Variants in ARHGAP19 observed in about 807,000 individuals in gnomAD.
ARHGAP19 encodes the protein rho GTPase-activating protein 19.
ARHGAP19 carries 48 observed loss-of-function variants against 60.9 expected under a neutral mutation model. That is an observed-to-expected ratio of 0.79 (90% CI 0.62 to 1.00). The LOEUF (loss-of-function observed/expected upper bound fraction) is 1.00, where lower values mean the gene tolerates loss of function less well. Ranked by LOEUF, ARHGAP19 falls within the 50% of genes least tolerant of loss-of-function variation. The pLI, the probability that ARHGAP19 is intolerant of heterozygous loss-of-function variation, is 0.00. For synonymous variants in ARHGAP19, 209 were observed against 215.5 expected (o/e 0.97, Z 0.27); for missense variants, 562 against 597.2 (o/e 0.94, Z 0.61).
rs370956518 is a variant in ARHGAP19 at position 97,239,662 on chromosome 10, A to G, written c.1185+4306T>C. On this transcript the variant is annotated intron_variant, in intron 8 of 11. Coordinates refer to ENST00000358531, the MANE Select transcript of ARHGAP19 (RefSeq NM_032900.6). Reference sequence around the variant, plus strand: ...GGAGCAAAAAAAAAGATATTAGGGGAAAAAAAAGTAAAATCTGTAATGTTA... The same window carrying G: ...GGAGCAAAAAAAAAGATATTAGGGGGAAAAAAAGTAAAATCTGTAATGTTA... Among the ~76,000 whole-genome samples the G allele has an allele frequency of 2.8e-3, 428 of 150,550 alleles. 3 individuals are homozygous for G. Among genetic ancestry groups the G allele is most frequent in the African/African-American group, 8.6e-3 (352 of 40,938 alleles).
intron 1 of ARHGAP19, among the ~76,000 whole-genome samples, chr10:97,274,356 G>A (rs1005472908): frequency 2.0e-5 from 3 of 151,926 alleles, no homozygotes; most frequent in African/African-American, 2.4e-5. Context: ...TCCCAGCTAC[G>A]TGGGAGGCTG....
intron 1 of ARHGAP19, among the ~76,000 whole-genome samples, chr10:97,272,842 GTTT>G (rs1273537428): frequency 8.0e-6 from 1 of 125,598 alleles, no homozygotes; most frequent in Admixed American, 8.0e-5. Flanking sequence ...TATGTTTGTT[GTTT>G]TTTTTTTTTT....
rs148718759 is a variant in ARHGAP19, at chr10:97,223,905, C to T, written c.*2217G>A. 3 of 152,118 alleles carry T rather than the reference C, an allele frequency of 2.0e-5. No individual in the cohort carries two copies. The highest frequency in any genetic ancestry group is 2.1e-4 in the South Asian group (1 of 4,830). 9.4% of individuals were successfully genotyped at this position (152,118 alleles called of 1,614,324 possible). Reference sequence around the variant, plus strand: ...TTAAGAAAAATGACCTATAAAACCCCTAAAGCAAGGGAAAACATATTCAAT... The same window carrying T: ...TTAAGAAAAATGACCTATAAAACCCTTAAAGCAAGGGAAAACATATTCAAT... On this transcript the variant is annotated 3_prime_UTR_variant, in exon 12 of 12. Transcript: ENST00000358531.
intron 4 of ARHGAP19, among the ~76,000 whole-genome samples, chr10:97,262,245 G>A (rs1309441135): frequency 1.8e-4 from 28 of 151,636 alleles, no homozygotes. Context: ...ACTGGTGTTG[G>A]GGACTGGGTG....
At chr10:97,234,662 T>C (rs1397311561) in intron 9 of ARHGAP19, among the ~76,000 whole-genome samples, 5 of 151,588 alleles carry the variant, frequency 3.3e-5, no homozygotes, top group Admixed American at 3.3e-4. Context: ...TCTGCAAACA[T>C]GGTGATAGCA....
intron 8 of ARHGAP19, among the ~76,000 whole-genome samples, chr10:97,241,402 AAGAT>A (rs560793229): frequency 7.5e-3 from 1,125 of 150,604 alleles, no homozygotes; most frequent in Non-Finnish European, 8.5e-3. Flanking sequence ...AAAAAAAAGA[AAGAT>A]AGAGTATTTA....
chr10:97,290,618 T>C (rs1015122123), intron 1 of ARHGAP19, among the ~76,000 whole-genome samples: 14 of 152,004 alleles, frequency 9.2e-5, no homozygotes, highest in Non-Finnish European at 1.8e-4. Context: ...TCTTGGGAGC[T>C]CTGTGAGCAA....
At chr10:97,256,535 C>T in intron 5 of ARHGAP19, 131 bp from the exon 6 acceptor site, 1 of 641,394 alleles carries the variant, frequency 1.6e-6, no homozygotes, top group Non-Finnish European at 2.7e-6. Context: ...ATGTTTAATT[C>T]TGGGAAGACT....
chr10:97,257,445 G>T (rs927542024), intron 5 of ARHGAP19, among the ~76,000 whole-genome samples: 1 of 151,612 alleles, frequency 6.6e-6, no homozygotes, highest in South Asian at 2.1e-4. Context: ...GTGCCACCAC[G>T]TCCAGCTTAT....
At chr10:97,239,549 A>T (rs75710832) in intron 8 of ARHGAP19, among the ~76,000 whole-genome samples, 58 of 4,658 alleles carry the variant, frequency 0.012, 1 homozygote, top group African/African-American at 0.015. Context: ...AGAGAGAGAG[A>T]GGGTGTGTGT....
At chr10:97,269,641 C>G (rs925196120) in intron 1 of ARHGAP19, among the ~76,000 whole-genome samples, 2 of 152,148 alleles carry the variant, frequency 1.3e-5, no homozygotes, top group Non-Finnish European at 2.9e-5. Flanking sequence ...TGAGAAATTA[C>G]TACCCTATCA....
intron 1 of ARHGAP19, among the ~76,000 whole-genome samples, chr10:97,270,889 T>C (rs1041991592): frequency 3.9e-5 from 6 of 152,218 alleles, no homozygotes; most frequent in Admixed American, 2.6e-4. Flanking sequence ...CAGACTCCCA[T>C]CACCACTTAA....
At chr10:97,286,448 T>C (rs1843156353) in intron 1 of ARHGAP19, among the ~76,000 whole-genome samples, 1 of 152,178 alleles carries the variant, frequency 6.6e-6, no homozygotes, top group Admixed American at 6.6e-5. Flanking sequence ...AAAAATTAGC[T>C]GGACGTGGTG....
At chr10:97,287,230 C>T (rs946035362) in intron 1 of ARHGAP19, among the ~76,000 whole-genome samples, 19 of 152,276 alleles carry the variant, frequency 1.2e-4, no homozygotes, top group African/African-American at 4.3e-4. Context: ...GGATTACAGG[C>T]GTGAGCCACC....
chr10:97,283,895 G>A (rs1287612773), intron 1 of ARHGAP19, among the ~76,000 whole-genome samples: 1 of 148,874 alleles, frequency 6.7e-6, no homozygotes, highest in Non-Finnish European at 1.5e-5. Flanking sequence ...GTAAATTGGA[G>A]TGGCTAGTTT....
At chr10:97,289,864 A>G (rs1236061647) in intron 1 of ARHGAP19, among the ~76,000 whole-genome samples, 3 of 151,622 alleles carry the variant, frequency 2.0e-5, no homozygotes, top group Non-Finnish European at 4.4e-5. Context: ...AAAAAAAAAA[A>G]AAGAAAGAAA....
chr10:97,277,863 T>G (rs1843039397), intron 1 of ARHGAP19: 1 of 152,202 alleles, frequency 6.6e-6, no homozygotes, highest in South Asian at 2.1e-4. Context: ...GTATGTTGAG[T>G]TCACAATGAC....
intron 6 of ARHGAP19, among the ~76,000 whole-genome samples, chr10:97,250,926 C>G (rs1842635311): frequency 6.6e-6 from 1 of 151,396 alleles, no homozygotes; most frequent in African/African-American, 2.4e-5. Flanking sequence ...ATTAGCCAGG[C>G]ATGGTGGCAC....
rs1842751611 is a variant in ARHGAP19, at chr10:97,256,304, T to C, written c.927+14A>G. On this transcript the variant is annotated intron_variant, in intron 6 of 11. Coordinates refer to ENST00000358531, the MANE Select transcript of ARHGAP19 (RefSeq NM_032900.6). Reference sequence around the variant, plus strand: ...CTTTGTCCTGTTACCAGCCAAATGCTATCCCTTACCTACCTTAAAAAGTTT... The same window carrying C: ...CTTTGTCCTGTTACCAGCCAAATGCCATCCCTTACCTACCTTAAAAAGTTT... 6.2e-7 allele frequency: 1 copy of C among 1,600,758 alleles called. No individual in the cohort carries two copies. Among genetic ancestry groups the C allele is most frequent in the Non-Finnish European group, 8.6e-7 (1 of 1,168,004 alleles).
Sources: allele counts gnomAD v4.1 joint callset (sites outside exome capture counted in the v4.1 genomes callset), GRCh38; gene constraint gnomAD v4.1.1; transcripts MANE v1.5; gene names NCBI Gene and HGNC (gene_info 2026-07-23, HGNC 2026-07-21).